FAM169A: variants seen among roughly 807,000 people sequenced by gnomAD.
FAM169A encodes soluble lamin-associated protein of 75 kDa.
In FAM169A, 24 loss-of-function variants were observed where a neutral mutation model predicts 75.7. The observed-to-expected ratio is 0.32, with a 90% confidence interval of 0.23 to 0.45. The LOEUF (loss-of-function observed/expected upper bound fraction) is 0.45. FAM169A is among the 20% of genes least tolerant of loss of function. FAM169A has a pLI of 1.00. For missense variants in FAM169A, 673 were observed against 784.0 expected (o/e 0.86, Z 1.69); for synonymous variants, 271 against 271.0 (o/e 1.00, Z 0.00).
At chr5:74,835,893 G>T (rs1213662693) in intron 4 of FAM169A, among the ~76,000 whole-genome samples, 1 of 152,048 alleles carries the variant, frequency 6.6e-6, no homozygotes, top group Non-Finnish European at 1.5e-5. Flanking sequence ...ACTATATTTT[G>T]ATATTCTGCA....
chr5:74,801,015 G>C lies in FAM169A; in HGVS notation c.968C>G (p.Ser323Cys). The change falls in exon 10 of 13, where the codon TCT becomes TGT. Residue 323 changes from serine (S) to cysteine (C), a missense_variant. By Grantham distance (112) the Ser-to-Cys change is moderately radical (BLOSUM62 -1). Around this residue, in one of 3 missense-constraint regions of FAM169A, gnomAD observed 510 missense variants for 550.9 expected, o/e 0.93. Coordinates refer to ENST00000687041, the MANE Select transcript of FAM169A (RefSeq NM_001376049.1). ...ACCACTTCGAGTATGAGTGGAAACA[G>C]ATGTTTTATCATGACCTGAGGAGAA... ...ASTSEGHDKT[S>C]VSTHTRSGNL... The C allele has an allele frequency of 6.4e-7, 1 of 1,557,832 alleles. No homozygotes were observed. The highest frequency in any genetic ancestry group is 1.9e-5 in the Admixed American group (1 of 52,736).
Position 74,780,458 on chromosome 5 carries a change from G to A in FAM169A, c.*1002C>T, listed in dbSNP as rs916563675. The A allele has an allele frequency of 1.3e-5, 2 of 152,178 alleles. No individual in the cohort carries two copies. Among genetic ancestry groups the A allele is most frequent in the African/African-American group, 4.8e-5 (2 of 41,432 alleles). The allele number at this position is 152,178 out of a possible 1,614,324, so 9.4% of individuals were successfully genotyped here. ...TTACAGAAGTAGATGAAAGCTGTGG[G>A]GGAATATAAATAAGACTGTAGAATT... On this transcript the variant is annotated 3_prime_UTR_variant, in exon 13 of 13. Transcript: ENST00000687041.
intron 5 of FAM169A, among the ~76,000 whole-genome samples, chr5:74,818,308 GA>G (rs1395308822): frequency 6.6e-6 from 1 of 151,488 alleles, no homozygotes; most frequent in Non-Finnish European, 1.5e-5. Context: ...AACTCAAAAA[GA>G]AAAAAAAGAC....
chr5:74,821,065 T>C (rs1405070768), intron 5 of FAM169A, among the ~76,000 whole-genome samples: 2 of 152,196 alleles, frequency 1.3e-5, no homozygotes, highest in Non-Finnish European at 2.9e-5. Flanking sequence ...GTACCTGCTG[T>C]CCCACACGTT....
chr5:74,823,095 T>A (rs1455265659), intron 5 of FAM169A, among the ~76,000 whole-genome samples: 1 of 152,218 alleles, frequency 6.6e-6, no homozygotes, highest in African/African-American at 2.4e-5. Context: ...CCAAACAGTA[T>A]GTCCCTAAAA....
At chr5:74,845,166 T>C (rs573970185) in intron 1 of FAM169A, among the ~76,000 whole-genome samples, 1 of 152,174 alleles carries the variant, frequency 6.6e-6, no homozygotes, top group South Asian at 2.1e-4. Context: ...CAAGATATGA[T>C]GATGATAAGA....
chr5:74,866,848 G>T (rs1750374313), upstream of FAM169A: 3 of 985,512 alleles, frequency 3.0e-6, no homozygotes, highest in South Asian at 4.7e-5. Context: ...TCCCGGCCTC[G>T]GGACAGGGGT....
At chr5:74,800,359 G>A (rs1746508921) in intron 10 of FAM169A, among the ~76,000 whole-genome samples, 1 of 152,014 alleles carries the variant, frequency 6.6e-6, no homozygotes, top group Non-Finnish European at 1.5e-5. Context: ...AAGACAGGGA[G>A]ATATGTAAAC....
chr5:74,840,636 T>C (rs1748810963), intron 2 of FAM169A, among the ~76,000 whole-genome samples: 1 of 151,804 alleles, frequency 6.6e-6, no homozygotes, highest in Admixed American at 6.6e-5. Context: ...GAGACCATCC[T>C]GGCTAACACA....
chr5:74,781,484 A>G lies in FAM169A; in HGVS notation c.1989T>C (p.Ala663=), dbSNP rs1465427573. The stretch of plus-strand genomic sequence containing the variant: ...TTCAGGTCAGCTTAGCTTTCTTCTT[A>G]GCAGGTCCTTTATGCCCTTTGGCCT... ...RRKAKGHKGP[A]KKKAKLT is the part of the protein sequence containing the mutation. The change falls in exon 13 of 13, where the codon GCT becomes GCC. Residue 663 remains alanine (A), a synonymous_variant. Transcript: ENST00000687041. The G allele has an allele frequency of 6.2e-7, 1 of 1,614,036 alleles. No individual in the cohort carries two copies. The highest frequency in any genetic ancestry group is 1.7e-5 in the Admixed American group (1 of 59,998).
chr5:74,788,495 C>T (rs533903933), intron 11 of FAM169A, among the ~76,000 whole-genome samples: 7 of 152,084 alleles, frequency 4.6e-5, no homozygotes, highest in South Asian at 4.2e-4. Flanking sequence ...CACCTGAGGT[C>T]GGGAGTTCGA....
At chr5:74,811,874 T>C (rs1015318810) in intron 6 of FAM169A, among the ~76,000 whole-genome samples, 3 of 152,222 alleles carry the variant, frequency 2.0e-5, no homozygotes, top group African/African-American at 7.2e-5. Context: ...ATTCATACAG[T>C]ATGTATTTAT....
At position 74,795,060 on chromosome 5, in the gene FAM169A, C is replaced by G. The variant is rs183867111; in HGVS notation, c.1260+970G>C. On this transcript the variant is annotated intron_variant, in intron 11 of 12. Transcript: ENST00000687041. ...ATCACCTGAGGTAAGGAGTTTGAGA[C>G]CAGCCTGGCCAAAGTGGTGAAACCC... is the stretch of plus-strand genomic sequence containing the variant. Among the ~76,000 whole-genome samples the G allele has an allele frequency of 3.6e-3, 548 of 152,146 alleles. 6 individuals carry two copies. The highest frequency in any genetic ancestry group is 0.013 in the African/African-American group (526 of 41,536).
intron 6 of FAM169A, among the ~76,000 whole-genome samples, chr5:74,812,754 T>C (rs571466217): frequency 2.2e-4 from 33 of 152,174 alleles, no homozygotes; most frequent in African/African-American, 8.0e-4. Flanking sequence ...AGCAAAACTA[T>C]GAGATGCCCC....
intron 1 of FAM169A, among the ~76,000 whole-genome samples, chr5:74,856,817 A>G (rs1228873482): frequency 6.6e-6 from 1 of 151,802 alleles, no homozygotes; most frequent in Middle Eastern, 3.2e-3. Context: ...TTTTAAGAAA[A>G]AAAAAAAAAA....
At chr5:74,803,438 G>T (rs555813505) in intron 8 of FAM169A, among the ~76,000 whole-genome samples, 1 of 152,026 alleles carries the variant, frequency 6.6e-6, no homozygotes, top group Non-Finnish European at 1.5e-5. Context: ...TTTGCCACTC[G>T]AATAGTCAAC....
intron 7 of FAM169A, 130 bp downstream of exon 7, chr5:74,805,026 A>G (rs944041181): frequency 4.1e-6 from 3 of 723,390 alleles, no homozygotes; most frequent in Non-Finnish European, 6.9e-6. Context: ...ATTATAATAC[A>G]CTACCACTCT....
chr5:74,812,093 A>G (rs1161016480), intron 6 of FAM169A, among the ~76,000 whole-genome samples: 1 of 152,218 alleles, frequency 6.6e-6, no homozygotes, highest in Non-Finnish European at 1.5e-5. Context: ...ACATGCTGAC[A>G]TAGTACATGA....
At chr5:74,837,974 G>T (rs749899623) in intron 4 of FAM169A, among the ~76,000 whole-genome samples, 2 of 151,614 alleles carry the variant, frequency 1.3e-5, no homozygotes, top group Non-Finnish European at 2.9e-5. Context: ...AAAATTAGCC[G>T]GGCATGGTGG....
Sources: allele counts gnomAD v4.1 joint callset (sites outside exome capture counted in the v4.1 genomes callset), GRCh38; gene constraint gnomAD v4.1.1; regional missense constraint gnomAD v4.1.1; transcripts MANE v1.5; gene names NCBI Gene and HGNC (gene_info 2026-07-23, HGNC 2026-07-21).